Variants in PDE4D observed in about 807,000 individuals in gnomAD.
PDE4D encodes the protein 3',5'-cyclic-AMP phosphodiesterase 4D.
In PDE4D, 24 loss-of-function variants were observed where a neutral mutation model predicts 87.4. That is an observed-to-expected ratio of 0.27 (90% CI 0.20 to 0.39). The LOEUF (loss-of-function observed/expected upper bound fraction) is 0.39. PDE4D is among the 10% of genes least tolerant of loss of function. The pLI, the probability that PDE4D is intolerant of heterozygous loss-of-function variation, is 1.00. For missense variants in PDE4D, 714 were observed against 1,041.0 expected, an observed-to-expected ratio of 0.69 and a Z score of 4.32; for synonymous variants, 384 against 383.2, an observed-to-expected ratio of 1.00 and a Z score of -0.02.
In PDE4D at chr5:59,311,840, T is replaced by C. The variant is rs373895518; in HGVS notation, c.456-95872A>G. On this transcript the variant is annotated intron_variant, in intron 1 of 14. Transcript: ENST00000340635. ...CCTTTATGGCCTAAAGGGAAGACCCTAATCCTCGTAAAGCTTGTAAGGCAA... is the reference window on the plus strand; with the variant it reads ...CCTTTATGGCCTAAAGGGAAGACCCCAATCCTCGTAAAGCTTGTAAGGCAA... Among the ~76,000 whole-genome samples, 6 of 152,244 alleles carry C rather than the reference T, an allele frequency of 3.9e-5. No homozygotes were observed. The South Asian group carries it at 1.0e-3, about 26-fold the overall frequency.
chr5:60,348,973 A>G (rs1318573157), intron 1 of PDE4D, among the ~76,000 whole-genome samples: 1 of 152,176 alleles, frequency 6.6e-6, no homozygotes, highest in Non-Finnish European at 1.5e-5. Flanking sequence ...ATACAAAGCA[A>G]TATCTTCAAG....
intron 5 of PDE4D, among the ~76,000 whole-genome samples, chr5:59,163,946 A>G (rs1012640129): frequency 6.6e-6 from 1 of 152,214 alleles, no homozygotes; most frequent in Non-Finnish European, 1.5e-5. Flanking sequence ...GTCCATTTAC[A>G]TCACTTTAAA....
At chr5:60,178,818 A>C (rs1784143782) in intron 2 of PDE4D, among the ~76,000 whole-genome samples, 1 of 152,150 alleles carries the variant, frequency 6.6e-6, no homozygotes, top group Admixed American at 6.6e-5. Context: ...TTCATAAGCA[A>C]GATCCTCTGA....
chr5:59,042,928 C>A (rs1455239736), intron 5 of PDE4D, among the ~76,000 whole-genome samples: 1 of 152,172 alleles, frequency 6.6e-6, no homozygotes, highest in Non-Finnish European at 1.5e-5. Flanking sequence ...AAAGTAATCA[C>A]CTCAGAGCCA....
At chr5:60,224,367 T>A (rs1433571317) in intron 1 of PDE4D, among the ~76,000 whole-genome samples, 2 of 152,060 alleles carry the variant, frequency 1.3e-5, no homozygotes, top group Non-Finnish European at 2.9e-5. Flanking sequence ...CAAAACTTAA[T>A]GGCCACAACA....
intron 1 of PDE4D, among the ~76,000 whole-genome samples, chr5:59,888,932 TA>T (rs1392743546): frequency 2.0e-5 from 3 of 151,994 alleles, no homozygotes; most frequent in Non-Finnish European, 4.4e-5. Context: ...TTAACATATT[TA>T]AAAAACTAAT....
At position 60,295,620 on chromosome 5, in the gene PDE4D, C is replaced by T. The variant is rs148272542; in HGVS notation, c.-89-109933G>A. Among the ~76,000 whole-genome samples, 11 of 152,298 alleles carry T rather than the reference C, an allele frequency of 7.2e-5. No individual in the cohort carries two copies. In the East Asian group the frequency reaches 1.9e-3, roughly 27 times the overall value. ...GATGGCAGTAGCACCCTTCCTCTAGCTGTGACAATGTCTCCAGACGTTGCC... is the reference window on the plus strand; with the variant it reads ...GATGGCAGTAGCACCCTTCCTCTAGTTGTGACAATGTCTCCAGACGTTGCC... On this transcript the variant is annotated intron_variant, in intron 1 of 16. Transcript: ENST00000502484.
In PDE4D at chr5:60,016,101, C is replaced by T. The variant is rs187728616; in HGVS notation, c.43-27384G>A. 5.2e-3 allele frequency among the ~76,000 whole-genome samples: 796 copies of T among 151,696 alleles called. 7 individuals carry two copies. The highest frequency in any genetic ancestry group is 8.5e-3 in the Admixed American group (129 of 15,202). ...TATATACACATACACACAGGCATAC[C>T]TCAAAGATATAGCAGGTACAGTTTC... On this transcript the variant is annotated intron_variant, in intron 2 of 16. Transcript: ENST00000502484.
chr5:60,101,581 A>G (rs1043712941), intron 2 of PDE4D, among the ~76,000 whole-genome samples: 2 of 152,124 alleles, frequency 1.3e-5, no homozygotes, highest in Non-Finnish European at 2.9e-5. Flanking sequence ...AAGTAAGAGA[A>G]TTTGGGTTGG....
intron 5 of PDE4D, among the ~76,000 whole-genome samples, chr5:59,136,815 T>A (rs905260827): frequency 4.6e-5 from 7 of 152,214 alleles, no homozygotes; most frequent in Non-Finnish European, 1.0e-4. Flanking sequence ...TGGTCCAAGC[T>A]CTTTGAATAT....
At chr5:60,115,273 T>C (rs982864627) in intron 2 of PDE4D, among the ~76,000 whole-genome samples, 1 of 152,094 alleles carries the variant, frequency 6.6e-6, no homozygotes, top group Admixed American at 6.6e-5. Flanking sequence ...AGTGCTGGAA[T>C]GGTTATGAGT....
chr5:60,263,985 A>C (rs1749920368), intron 1 of PDE4D, among the ~76,000 whole-genome samples: 1 of 151,944 alleles, frequency 6.6e-6, no homozygotes, highest in East Asian at 1.9e-4. Flanking sequence ...CATGTGAAAA[A>C]ATAATAAACT....
intron 1 of PDE4D, among the ~76,000 whole-genome samples, chr5:59,336,855 C>A (rs1315996938): frequency 6.6e-6 from 1 of 152,196 alleles, no homozygotes; most frequent in Admixed American, 6.5e-5. Flanking sequence ...TACCAAGAAG[C>A]CCAGTGCGCT....
intron 5 of PDE4D, among the ~76,000 whole-genome samples, chr5:59,140,124 C>G (rs1477690260): frequency 6.6e-6 from 1 of 152,200 alleles, no homozygotes; most frequent in Non-Finnish European, 1.5e-5. Context: ...AAACTCAATT[C>G]AAATATGTGC....
chr5:59,419,664 T>G (rs897759422), intron 1 of PDE4D, among the ~76,000 whole-genome samples: 3 of 152,220 alleles, frequency 2.0e-5, no homozygotes, highest in African/African-American at 7.2e-5. Flanking sequence ...ACAACAGTTT[T>G]TTTACTGACG....
At chr5:59,977,639 C>T (rs1251061510) in intron 3 of PDE4D, among the ~76,000 whole-genome samples, 3 of 152,114 alleles carry the variant, frequency 2.0e-5, no homozygotes, top group East Asian at 1.9e-4. Context: ...ACAAGTTATC[C>T]AGAAAGTCTA....
At chr5:59,541,466 C>T (rs1325683323) in intron 1 of PDE4D, among the ~76,000 whole-genome samples, 1 of 152,322 alleles carries the variant, frequency 6.6e-6, no homozygotes, top group East Asian at 1.9e-4. Flanking sequence ...AAACACCTAT[C>T]ATGACTTAAA....
At chr5:59,456,101 T>C (rs991240700) in intron 1 of PDE4D, among the ~76,000 whole-genome samples, 5 of 152,256 alleles carry the variant, frequency 3.3e-5, no homozygotes, top group Middle Eastern at 3.4e-3. Context: ...TTTGGGAGAC[T>C]GTTGGGGAGG....
chr5:60,054,727 C>T (rs1386533170), intron 2 of PDE4D, among the ~76,000 whole-genome samples: 2 of 151,882 alleles, frequency 1.3e-5, no homozygotes, highest in East Asian at 1.9e-4. Flanking sequence ...ATCAAGAGTT[C>T]ATAAGCCTTT....
Sources: allele counts gnomAD v4.1 joint callset (sites outside exome capture counted in the v4.1 genomes callset), GRCh38; gene constraint gnomAD v4.1.1; transcripts MANE v1.5; gene names NCBI Gene and HGNC (gene_info 2026-07-23, HGNC 2026-07-21).